Variants in PRKDC observed in about 807,000 individuals in gnomAD.
PRKDC encodes the protein protein kinase, DNA-activated, catalytic subunit, also known as DNA-dependent protein kinase catalytic subunit.
PRKDC carries 82 observed loss-of-function variants against 486.9 expected under a neutral mutation model. The ratio of observed to expected loss-of-function variants is 0.17; its 90% confidence interval spans 0.14 to 0.20. The LOEUF is 0.20. PRKDC is among the 10% of genes least tolerant of loss of function. The pLI is 1.00. For missense variants in PRKDC, 4,504 were observed against 5,038.2 expected (o/e 0.89, Z 3.21); for synonymous variants, 1,895 against 1,837.0 (o/e 1.03, Z -0.81).
chr8:47,837,159 T>C (rs2088043124), intron 57 of PRKDC, 53 bp downstream of exon 57: 5 of 1,494,140 alleles, frequency 3.3e-6, no homozygotes, highest in Non-Finnish European at 3.7e-6. Flanking sequence ...AAAATGTTCA[T>C]GAACAGGAAA....
At chr8:47,935,587 A>G (rs2090336280) in intron 13 of PRKDC, 145 bp downstream of exon 13, 2 of 688,310 alleles carry the variant, frequency 2.9e-6, no homozygotes, top group Non-Finnish European at 4.6e-6. Context: ...AAAAAAAGGA[A>G]AAGATTTTGG....
intron 39 of PRKDC, 113 bp from the exon 40 acceptor site, chr8:47,877,964 A>T: frequency 1.4e-6 from 1 of 704,232 alleles, no homozygotes; most frequent in Non-Finnish European, 1.9e-6. Context: ...AAAATATAAC[A>T]TACAGAAAAA....
At chr8:47,909,237 G>A (rs956548413) in intron 25 of PRKDC, among the ~76,000 whole-genome samples, 1 of 152,202 alleles carries the variant, frequency 6.6e-6, no homozygotes, top group Non-Finnish European at 1.5e-5. Context: ...GCAGAAGAAC[G>A]TAAATTGTGA....
intron 30 of PRKDC, among the ~76,000 whole-genome samples, chr8:47,896,354 A>G (rs2089580744): frequency 6.6e-6 from 1 of 152,088 alleles, no homozygotes; most frequent in African/African-American, 2.4e-5. Flanking sequence ...GCCCAGACAG[A>G]ACTCCACCCC....
intron 38 of PRKDC, among the ~76,000 whole-genome samples, chr8:47,881,033 C>T (rs1462991617): frequency 1.3e-4 from 18 of 138,296 alleles, no homozygotes; most frequent in Admixed American, 4.0e-4. Flanking sequence ...GGTGACAGAG[C>T]GAGACTGTCT....
chr8:47,932,244 T>C lies in PRKDC; in HGVS notation c.1776+776A>G, dbSNP rs1011854263. On this transcript the variant is annotated intron_variant, in intron 16 of 85. Coordinates refer to ENST00000314191, the MANE Select transcript of PRKDC (RefSeq NM_006904.7). The stretch of plus-strand genomic sequence containing the variant: ...GACTACAGGCGCCCGCCACCATGCC[T>C]GGCTAATTTTTTGTATTTTTAGTAG... Among the ~76,000 whole-genome samples, 12 of 152,104 alleles carry C rather than the reference T, an allele frequency of 7.9e-5. 1 individual carries two copies. The highest frequency in any genetic ancestry group is 7.9e-4 in the Admixed American group (12 of 15,264).
chr8:47,881,314 A>G, intron 38 of PRKDC, 102 bp downstream of exon 38: 1 of 721,854 alleles, frequency 1.4e-6, no homozygotes, highest in Non-Finnish European at 2.3e-6. Context: ...ACATTTGAAC[A>G]CGTTTGAAAT....
rs1462938496 is a variant in PRKDC, at chr8:47,929,755, A to T, written c.2052+98T>A. On this transcript the variant is annotated intron_variant, in intron 18 of 85. Transcript: ENST00000314191. ...ACATAGAATAAAATTAGTAGACTTT[A>T]AAACTGCATAGGCCACAATCACATA... is the stretch of plus-strand genomic sequence containing the variant. The T allele has an allele frequency of 2.4e-6, 3 of 1,272,812 alleles. No homozygotes were observed. The African/African-American group carries it at 4.7e-5, about 20-fold the overall frequency. 78.8% of individuals were successfully genotyped at this position (1,272,812 alleles called of 1,614,324 possible).
chr8:47,957,456 G>T, intron 1 of PRKDC, 25 bp from the exon 2 acceptor site: 1 of 1,535,390 alleles, frequency 6.5e-7, no homozygotes, highest in Non-Finnish European at 8.8e-7. Flanking sequence ...AAGTAAACAA[G>T]TTAAGAGAGT....
chr8:47,826,612 G>T, intron 63 of PRKDC, 44 bp downstream of exon 63: 1 of 1,563,280 alleles, frequency 6.4e-7, no homozygotes, highest in Non-Finnish European at 8.7e-7. Context: ...TATTGCTTTG[G>T]TCAAATCCAG....
chr8:47,954,858 A>C (rs576293467), intron 4 of PRKDC, among the ~76,000 whole-genome samples: 27 of 152,314 alleles, frequency 1.8e-4, no homozygotes, highest in Admixed American at 1.4e-3. Flanking sequence ...ACTTAACTGC[A>C]ACGTATCAAC....
intron 7 of PRKDC, among the ~76,000 whole-genome samples, chr8:47,944,485 A>T (rs74368931): frequency 1.1e-4 from 11 of 98,036 alleles, no homozygotes; most frequent in South Asian, 6.6e-4. Context: ...GAAAAAAATT[A>T]AAAAAAAAAA....
chr8:47,924,329 TG>T (rs921369253), intron 21 of PRKDC, among the ~76,000 whole-genome samples: 3 of 152,002 alleles, frequency 2.0e-5, no homozygotes, highest in Non-Finnish European at 4.4e-5. Flanking sequence ...GAGGCCGAGG[TG>T]GGCAGATGAC....
In PRKDC at chr8:47,868,280, G is replaced by A. The variant is rs570778155; in HGVS notation, c.5364-3517C>T. Among the ~76,000 whole-genome samples, 4 of 151,972 alleles carry A rather than the reference G, an allele frequency of 2.6e-5. No homozygotes were observed. The East Asian group carries it at 5.8e-4, about 22-fold the overall frequency. ...ATTTCTTTTTAAATATTTTAATTCC[G>A]GGTATGGCGGCTCACACTTGTAATC... On this transcript the variant is annotated intron_variant, in intron 40 of 85. Transcript: ENST00000314191.
chr8:47,822,362 AATTACT>A (rs980074944), intron 64 of PRKDC, among the ~76,000 whole-genome samples: 3 of 152,114 alleles, frequency 2.0e-5, no homozygotes, highest in Non-Finnish European at 4.4e-5. Flanking sequence ...CAATGAAACC[AATTACT>A]AAGACTGAAG....
chr8:47,774,230 C>T lies in PRKDC; in HGVS notation c.12330G>A (p.Gln4110=). The T allele has an allele frequency of 6.2e-7, 1 of 1,601,216 alleles. No homozygotes were observed. The highest frequency in any genetic ancestry group is 2.2e-5 in the East Asian group (1 of 44,610). Residue 4110 remains glutamine, a synonymous_variant, in exon 86 of 86, where the codon CAG becomes CAA. Coordinates refer to ENST00000314191, the MANE Select transcript of PRKDC (RefSeq NM_006904.7). The part of the protein sequence containing the change: ...EETQVKCLMD[Q]ATDPNILGRT... ...TGCCAAGGATGTTGGGGTCTGTTGC[C>T]TGGTCCATCAGGCACTTCACTTGAG...
Position 47,862,107 on chromosome 8 carries a change from AT to A in PRKDC, c.5939del (p.Asn1980IlefsTer2). The A allele has an allele frequency of 6.4e-7, 1 of 1,551,754 alleles. No homozygotes were observed. The highest frequency in any genetic ancestry group is 8.7e-7 in the Non-Finnish European group (1 of 1,146,036). ...KPEKNLLIFE[N>X]LIDLKRRYNF... ...TATAGCGGCGCTTCAGGTCGATCAG[AT>A]TTTCAAAAATAAGCAAGTTCTGTGA... On this transcript the variant is annotated frameshift_variant, in exon 44 of 86. Coordinates refer to ENST00000314191, the MANE Select transcript of PRKDC (RefSeq NM_006904.7). LOFTEE classifies it high-confidence loss of function.
chr8:47,939,836 C>T (rs1488546641), intron 10 of PRKDC, 139 bp from the exon 11 acceptor site: 1 of 717,016 alleles, frequency 1.4e-6, no homozygotes, highest in Admixed American at 3.6e-5. Flanking sequence ...CATAAAGACC[C>T]TTTGCTTCCA....
Position 47,794,356 on chromosome 8 carries a change from A to G in PRKDC, c.10604T>C (p.Ile3535Thr), listed in dbSNP as rs1193872778. The change falls in exon 74 of 86, where the codon ATA becomes ACA. Residue 3535 changes from isoleucine (I) to threonine (T), a missense_variant. This residue lies in a region of PRKDC where 706 missense variants were observed against 945.0 expected (regional missense o/e 0.75). Transcript: ENST00000314191. ...YPQAIVYPFI[I>T]SSESYSFKDT... ...CTTGAAGGAATAGCTTTCGCTGCTT[A>G]TGATGAAGGGATAAACAATAGCCTG... is the stretch of plus-strand genomic sequence containing the variant. The G allele has an allele frequency of 1.2e-6, 2 of 1,613,880 alleles. No homozygotes were observed. Among genetic ancestry groups the G allele is most frequent in the East Asian group, 4.5e-5 (2 of 44,890 alleles).
Sources: gnomAD v4.1 joint callset for allele counts (sites outside exome capture counted in the v4.1 genomes callset) on GRCh38, gnomAD v4.1.1 for gene constraint, gnomAD v4.1.1 regional missense constraint, MANE v1.5 for transcripts, NCBI Gene and HGNC (gene_info 2026-07-23, HGNC 2026-07-21) for gene names.